SERPINB6: variants seen among roughly 807,000 people sequenced by gnomAD.
SERPINB6 encodes serpin B6.
SERPINB6 carries 16 observed loss-of-function variants against 26.1 expected under a neutral mutation model. The observed-to-expected ratio is 0.61, with a 90% CI of 0.42 to 0.93. The LOEUF (loss-of-function observed/expected upper bound fraction) is 0.93, where lower values mean the gene tolerates loss of function less well. SERPINB6 is among the 40% of genes least tolerant of loss of function. The pLI is 0.00. For synonymous variants in SERPINB6, 174 were observed against 176.6 expected, an observed-to-expected ratio of 0.99 and a Z score of 0.11; for missense variants, 420 against 478.0, an observed-to-expected ratio of 0.88 and a Z score of 1.13.
chr6:2,953,083 G>A lies in SERPINB6; in HGVS notation c.534C>T (p.Asp178=). 3.1e-6 allele frequency: 5 copies of A among 1,614,202 alleles called. No individual in the cohort carries two copies. Among genetic ancestry groups the A allele is most frequent in the Non-Finnish European group, 4.2e-6 (5 of 1,180,038 alleles). Residue 178 remains aspartate (D), a synonymous_variant, in exon 5 of 7, where the codon GAC becomes GAT. Transcript: ENST00000380539. ...YFRGNWDEQF[D]KENTEERLFK... is the part of the protein sequence containing the mutation. ...ACAGTCTCTCCTCGGTGTTCTCCTT[G>A]TCAAACTGTTCATCCCAGTTTCCTC...
chr6:2,951,123 C>T (rs1054027637), intron 5 of SERPINB6, among the ~76,000 whole-genome samples: 10 of 152,200 alleles, frequency 6.6e-5, no homozygotes, highest in South Asian at 2.1e-4. Flanking sequence ...TGGTGGCTCA[C>T]GCCTGTAATC....
At chr6:2,952,146 TA>T (rs1243288066) in intron 5 of SERPINB6, among the ~76,000 whole-genome samples, 1 of 152,232 alleles carries the variant, frequency 6.6e-6, no homozygotes, top group Non-Finnish European at 1.5e-5. Flanking sequence ...TGTTAATCAT[TA>T]AATTTTAAAG....
At chr6:2,953,019 G>A in intron 5 of SERPINB6, 25 bp downstream of exon 5, 1 of 1,613,902 alleles carries the variant, frequency 6.2e-7, no homozygotes, top group Non-Finnish European at 8.5e-7. Context: ...CACAGGCGCT[G>A]CTCCTGTCAC....
At position 2,948,473 on chromosome 6, in the gene SERPINB6, G is replaced by C. The variant is rs1421111088; in HGVS notation, c.956C>G (p.Ser319Cys). ...DLSLSKVVHK[S>C]FVEVNEEGTE... ...GCCTTCCTCATTGACCTCCACAAAA[G>C]ACTTGTGCACGACCTTGGACAGAGA... The change falls in exon 7 of 7, where the codon TCT becomes TGT. Residue 319 changes from serine (S) to cysteine (C), a missense_variant. Physicochemically the swap from Ser to Cys is moderately radical, Grantham distance 112. Transcript: ENST00000380539. The surrounding 1 kb of genome is among the most constrained non-coding windows in gnomAD (Gnocchi z 5.0). 3 of 1,614,186 alleles carry C rather than the reference G, an allele frequency of 1.9e-6. No homozygotes were observed. Among genetic ancestry groups the C allele is most frequent in the Admixed American group, 3.3e-5 (2 of 60,026 alleles).
intron 1 of SERPINB6, chr6:2,960,327 C>CT (rs1437043812): frequency 5.9e-5 from 9 of 152,430 alleles, no homozygotes; most frequent in Admixed American, 2.6e-4. Flanking sequence ...AGTAGCTGGG[C>CT]TTGAAACGCA....
chr6:2,969,257 CA>C (rs1209938354), intron 1 of SERPINB6: 32 of 985,520 alleles, frequency 3.2e-5, no homozygotes, highest in Non-Finnish European at 3.6e-5. Context: ...GCCTGTTTCA[CA>C]GTCACGTTGC....
At chr6:2,956,610 T>C (rs13207868) in intron 2 of SERPINB6, 37,179 of 151,912 alleles carry the variant, frequency 0.24, 4,889 homozygotes, top group Non-Finnish European at 0.3. Flanking sequence ...TCACCTGAGG[T>C]CAGGAATTTG....
At chr6:2,963,557 A>G (rs1771339498) in intron 1 of SERPINB6, 1 of 152,262 alleles carries the variant, frequency 6.6e-6, no homozygotes, top group Admixed American at 6.5e-5. Context: ...GAACCTTGCA[A>G]ATACAAAAAC....
At chr6:2,966,841 G>T in intron 1 of SERPINB6, 1 of 554,178 alleles carries the variant, frequency 1.8e-6, no homozygotes, top group South Asian at 7.9e-5. Flanking sequence ...TTTTTGTAGA[G>T]ACAGGGTCTC....
At chr6:2,956,217 C>T (rs992909868) in intron 2 of SERPINB6, 1 of 157,212 alleles carries the variant, frequency 6.4e-6, no homozygotes, top group African/African-American at 2.4e-5. Flanking sequence ...TGGTGGCAAA[C>T]AAGGGTGCCA....
chr6:2,959,419 C>T (rs1666696278), intron 1 of SERPINB6, 77 bp from the exon 2 acceptor site: 4 of 1,469,094 alleles, frequency 2.7e-6, no homozygotes, highest in Non-Finnish European at 3.8e-6. Context: ...TACCGACAGT[C>T]ACCGCCGATG....
intron 1 of SERPINB6, chr6:2,963,509 A>G (rs1771336279): frequency 6.6e-6 from 1 of 152,286 alleles, no homozygotes; most frequent in African/African-American, 2.4e-5. Context: ...CCAAAAAGCA[A>G]TGGTGGAGAG....
At chr6:2,953,855 C>A (rs1770101764) in intron 4 of SERPINB6, among the ~76,000 whole-genome samples, 1 of 151,854 alleles carries the variant, frequency 6.6e-6, no homozygotes, top group African/African-American at 2.4e-5. Context: ...ATGGTGAAAA[C>A]CTGTCTCTAC....
At chr6:2,970,237 C>A in intron 1 of SERPINB6, 1 of 985,350 alleles carries the variant, frequency 1.0e-6, no homozygotes, top group Non-Finnish European at 1.2e-6. Context: ...TTTCACTCTA[C>A]TGTTACTGGT....
At chr6:2,966,003 C>T (rs1224414650) in intron 1 of SERPINB6, among the ~76,000 whole-genome samples, 2 of 152,176 alleles carry the variant, frequency 1.3e-5, no homozygotes, top group Non-Finnish European at 2.9e-5. Flanking sequence ...AACCAAACAC[C>T]AAATTTCAGT....
chr6:2,968,398 G>A (rs1227472924), intron 1 of SERPINB6: 3 of 733,664 alleles, frequency 4.1e-6, no homozygotes, highest in African/African-American at 1.9e-5. Context: ...AACAACCTGC[G>A]ACATGAGTTT....
At chr6:2,959,899 C>A (rs1343771360) in intron 1 of SERPINB6, 1 of 179,034 alleles carries the variant, frequency 5.6e-6, no homozygotes, top group Non-Finnish European at 1.2e-5. Context: ...TGCCTCCTGA[C>A]CCTTGGATCT....
At position 2,948,694 on chromosome 6, in the gene SERPINB6, C is replaced by T. The variant is rs769333785; in HGVS notation, c.735G>A (p.Glu245=). ...PDETTDLRTV[E]KELTYEKFVE... ...CGAACTTCTCGTAAGTGAGTTCTTT[C>T]TCCACCTAGAGGGAGACAGTTGAAG... Residue 245 remains glutamate, a synonymous_variant, in exon 7 of 7, where the codon GAG becomes GAA. Transcript: ENST00000380539. This position sits in a 1 kb window ranked among gnomAD's most constrained non-coding sequence, Gnocchi z 5.0. 66 of 1,614,020 alleles carry T rather than the reference C, an allele frequency of 4.1e-5. No individual in the cohort carries two copies. Among genetic ancestry groups the T allele is most frequent in the Non-Finnish European group, 3.0e-5 (35 of 1,179,982 alleles).
intron 5 of SERPINB6, 43 bp downstream of exon 5, chr6:2,953,001 C>T (rs778349873): frequency 6.2e-7 from 1 of 1,613,152 alleles, no homozygotes; most frequent in East Asian, 2.2e-5. Context: ...CGGAGACGCT[C>T]GTGTGAACAC....
Sources: gnomAD v4.1 joint callset for allele counts (sites outside exome capture counted in the v4.1 genomes callset) on GRCh38, gnomAD v4.1.1 for gene constraint, Gnocchi (gnomAD v3.1) non-coding constraint, MANE v1.5 for transcripts, NCBI Gene and HGNC (gene_info 2026-07-23, HGNC 2026-07-21) for gene names.